Variants in STX1B observed in about 807,000 individuals in gnomAD.
The protein encoded by STX1B is syntaxin-1B.
Under a neutral mutation model 39.4 loss-of-function variants are expected in STX1B, and 7 were observed. That is an observed-to-expected ratio of 0.18 (90% CI 0.10 to 0.33). The LOEUF (loss-of-function observed/expected upper bound fraction) is 0.33. Ranked by LOEUF, STX1B falls within the 10% of genes least tolerant of loss-of-function variation. STX1B has a pLI of 1.00. For missense variants in STX1B, 198 were observed against 383.2 expected, an observed-to-expected ratio of 0.52 and a Z score of 4.04; for synonymous variants, 136 against 144.1, an observed-to-expected ratio of 0.94 and a Z score of 0.40.
At chr16:30,997,909 GC>G in intron 4 of STX1B, among the ~76,000 whole-genome samples, 1 of 152,322 alleles carries the variant, frequency 6.6e-6, no homozygotes, top group Admixed American at 6.5e-5. Context: ...ATGAGGGCGT[GC>G]CGGCCCAGCC....
intron 1 of STX1B, among the ~76,000 whole-genome samples, chr16:31,005,366 C>T (rs561939549): frequency 6.6e-6 from 1 of 152,160 alleles, no homozygotes; most frequent in African/African-American, 2.4e-5. Context: ...ACGATTCAAG[C>T]CTCAGTTGCC....
At position 30,992,826 on chromosome 16, in the gene STX1B, A is replaced by G. The variant is rs771453922; in HGVS notation, c.862T>C (p.Leu288=). ...LASSIGGTLG[L] ...GAGAGAAGGGTGGGGGGGGCCTACA[A>G]GCCCAGCGTCCCCCCAATGGATGAC... Residue 288 remains leucine, a synonymous_variant, in exon 10 of 10, where the codon TTG becomes CTG. Coordinates refer to ENST00000215095, the MANE Select transcript of STX1B (RefSeq NM_052874.5). The G allele has an allele frequency of 3.7e-6, 6 of 1,609,410 alleles. No individual in the cohort carries two copies. In the Admixed American group the frequency reaches 1.0e-4, roughly 27 times the overall value.
At chr16:30,996,415 T>C in intron 7 of STX1B, 1 of 373,300 alleles carries the variant, frequency 2.7e-6, no homozygotes, top group South Asian at 3.9e-5. Context: ...TGAAATGGGG[T>C]TTCCTCGAAG....
chr16:30,993,513 C>T lies in STX1B; in HGVS notation c.538-29G>A, dbSNP rs777606506. On this transcript the variant is annotated intron_variant, in intron 7 of 9. Transcript: ENST00000215095. ...GGGTGACGAGGGAGAGAGCTACAAT[C>T]ACCCTTCTCCGCCATGAGCGCCTCC... 1.1e-5 allele frequency: 17 copies of T among 1,610,900 alleles called. No homozygotes were observed. In the East Asian group the frequency reaches 2.9e-4, roughly 27 times the overall value.
At chr16:30,996,919 G>A in intron 6 of STX1B, 32 bp downstream of exon 6, 1 of 1,590,352 alleles carries the variant, frequency 6.3e-7, no homozygotes, top group Non-Finnish European at 8.6e-7. Flanking sequence ...GCCTCAAGGA[G>A]TTCGGGGTCC....
At chr16:30,995,760 G>A (rs2056588578) in intron 7 of STX1B, among the ~76,000 whole-genome samples, 1 of 151,980 alleles carries the variant, frequency 6.6e-6, no homozygotes, top group African/African-American at 2.4e-5. Context: ...CAAAGTGCTG[G>A]GATTACAGGC....
At chr16:30,995,186 G>A (rs1326322837) in intron 7 of STX1B, among the ~76,000 whole-genome samples, 3 of 151,854 alleles carry the variant, frequency 2.0e-5, no homozygotes, top group Admixed American at 6.6e-5. Context: ...TTTGTTGCCC[G>A]GGCTGGTCTA....
chr16:30,992,784 G>C lies in STX1B; in HGVS notation c.*37C>G, dbSNP rs1424243418. 7.3e-7 allele frequency: 1 copy of C among 1,378,198 alleles called. No homozygotes were observed. The highest frequency in any genetic ancestry group is 2.3e-5 in the East Asian group (1 of 43,790). The allele number at this position is 1,378,198 out of a possible 1,614,324, so 85.4% of individuals were successfully genotyped here. A position where few individuals can be genotyped will look rare whatever the true frequency, so the allele number is the denominator to read the frequency against. ...GTGGGGGTATTGCTCCCGATGTGGT[G>C]GGGGAAGGGTCTGGGAGAGAGAAGG... is the stretch of plus-strand genomic sequence containing the variant. On this transcript the variant is annotated 3_prime_UTR_variant, in exon 10 of 10. Coordinates refer to ENST00000215095, the MANE Select transcript of STX1B (RefSeq NM_052874.5).
At chr16:30,997,266 C>T (rs1163776020) in intron 5 of STX1B, among the ~76,000 whole-genome samples, 1 of 152,218 alleles carries the variant, frequency 6.6e-6, no homozygotes, top group Non-Finnish European at 1.5e-5. Context: ...CCGGCACCCC[C>T]ATCTTAGGCC....
chr16:31,003,359 G>A (rs1371954010), intron 1 of STX1B, among the ~76,000 whole-genome samples: 1 of 152,206 alleles, frequency 6.6e-6, no homozygotes. Context: ...GGGACCCTGA[G>A]AGGCTCTGGG....
At chr16:30,998,695 CT>C (rs1296929429) in intron 4 of STX1B, among the ~76,000 whole-genome samples, 1 of 152,224 alleles carries the variant, frequency 6.6e-6, no homozygotes, top group East Asian at 1.9e-4. Context: ...AGAGAATCCT[CT>C]CTCCTTTCCT....
chr16:31,002,344 G>A (rs2056634265), intron 1 of STX1B, among the ~76,000 whole-genome samples: 1 of 152,120 alleles, frequency 6.6e-6, no homozygotes, highest in African/African-American at 2.4e-5. Context: ...GAGACACAAA[G>A]AGATTTACCC....
chr16:31,008,087 C>T (rs1567381321), intron 1 of STX1B, among the ~76,000 whole-genome samples: 2 of 152,052 alleles, frequency 1.3e-5, no homozygotes, highest in Admixed American at 6.5e-5. Flanking sequence ...CTCCCACCAC[C>T]GCCCCTGCCT....
chr16:30,998,387 GC>G (rs2056606793), intron 4 of STX1B, among the ~76,000 whole-genome samples: 1 of 152,136 alleles, frequency 6.6e-6, no homozygotes, highest in Non-Finnish European at 1.5e-5. Context: ...GAGGTACGGG[GC>G]CGGATGGCAC....
At chr16:31,003,641 A>G (rs1253269096) in intron 1 of STX1B, among the ~76,000 whole-genome samples, 1 of 151,570 alleles carries the variant, frequency 6.6e-6, no homozygotes, top group Non-Finnish European at 1.5e-5. Flanking sequence ...TCTAATTTCA[A>G]TCTCTCCTGT....
intron 4 of STX1B, among the ~76,000 whole-genome samples, chr16:30,999,263 C>A (rs918187967): frequency 3.3e-5 from 5 of 152,166 alleles, no homozygotes; most frequent in African/African-American, 1.2e-4. Flanking sequence ...TTTTACAAAT[C>A]CACATCTGAG....
In STX1B at chr16:30,993,385, C is replaced by T. The variant is rs769892442; in HGVS notation, c.637G>A (p.Asp213Asn). 2 of 1,614,164 alleles carry T rather than the reference C, an allele frequency of 1.2e-6. No homozygotes were observed. The highest frequency in any genetic ancestry group is 1.7e-6 in the Non-Finnish European group (2 of 1,180,050). The change falls in exon 8 of 10, where the codon GAT (aspartate) becomes AAT (asparagine). Residue 213 changes from aspartate to asparagine, a missense_variant. Physicochemically the swap from Asp to Asn is conservative, Grantham distance 23 (BLOSUM62 1). Coordinates refer to ENST00000215095, the MANE Select transcript of STX1B (RefSeq NM_052874.5). ...KLETSIRELH[D>N]MFVDMAMLVE... ...AGCATGGCCATGTCCACAAACATAT[C>T]GTGCAGCTCGCGGATGCTGGTCTCC...
chr16:31,005,439 A>G (rs894301716), intron 1 of STX1B, among the ~76,000 whole-genome samples: 1 of 149,466 alleles, frequency 6.7e-6, no homozygotes, highest in Non-Finnish European at 1.5e-5. Flanking sequence ...TCCTATTACA[A>G]GTGCTTTGCA....
chr16:30,989,528 A>T lies in STX1B; in HGVS notation c.*3293T>A, dbSNP rs1018817160. On this transcript the variant is annotated 3_prime_UTR_variant, in exon 10 of 10. Coordinates refer to ENST00000215095, the MANE Select transcript of STX1B (RefSeq NM_052874.5). ...TCCCCTCTGAGAAGGGGAGGGAGAGAGCTCTAGAAACCAACGGAGAAACAG... is the reference window on the plus strand; with the variant it reads ...TCCCCTCTGAGAAGGGGAGGGAGAGTGCTCTAGAAACCAACGGAGAAACAG... 6.6e-6 allele frequency: 1 copy of T among 152,124 alleles called. No individual in the cohort carries two copies. The highest frequency in any genetic ancestry group is 2.4e-5 in the African/African-American group (1 of 41,356). The allele number at this position is 152,124 out of a possible 1,614,324, so 9.4% of individuals were successfully genotyped here. A position where few individuals can be genotyped will look rare whatever the true frequency, so the allele number is the denominator to read the frequency against.
Sources: gnomAD v4.1 joint callset for allele counts (sites outside exome capture counted in the v4.1 genomes callset) on GRCh38, gnomAD v4.1.1 for gene constraint, MANE v1.5 for transcripts, NCBI Gene and HGNC (gene_info 2026-07-23, HGNC 2026-07-21) for gene names.